Variants in ADAMTSL1 observed in about 807,000 individuals in gnomAD.
ADAMTSL1 encodes ADAMTS-like protein 1.
ADAMTSL1 carries 126 observed loss-of-function variants against 201.8 expected under a neutral mutation model. That is an observed-to-expected ratio of 0.62 (90% CI 0.54 to 0.72). The LOEUF is 0.72. Among genes scored for constraint, ADAMTSL1 ranks in the 30% least tolerant of loss-of-function variants. The pLI, the probability that ADAMTSL1 is intolerant of heterozygous loss-of-function variation, is 0.00. For synonymous variants in ADAMTSL1, 1,121 were observed against 903.4 expected (o/e 1.24, Z -4.32); for missense variants, 2,679 against 2,277.8 (o/e 1.18, Z -3.59).
chr9:18,164,168 C>G (rs1175205316), intron 2 of ADAMTSL1, among the ~76,000 whole-genome samples: 1 of 151,828 alleles, frequency 6.6e-6, no homozygotes, highest in Non-Finnish European at 1.5e-5. Flanking sequence ...CTGACTTTTC[C>G]TGGGTCTGGC....
intron 19 of ADAMTSL1, among the ~76,000 whole-genome samples, chr9:18,784,981 T>C (rs1821618505): frequency 6.6e-6 from 1 of 152,170 alleles, no homozygotes; most frequent in African/African-American, 2.4e-5. Flanking sequence ...CTGGCCTACA[T>C]TGTGAAACCC....
chr9:18,603,234 A>G (rs957387092), intron 4 of ADAMTSL1, among the ~76,000 whole-genome samples: 2 of 152,158 alleles, frequency 1.3e-5, no homozygotes, highest in Admixed American at 6.5e-5. Context: ...ACCATTTTAC[A>G]GGTGAAGAAA....
intron 23 of ADAMTSL1, among the ~76,000 whole-genome samples, chr9:18,855,221 C>T (rs553244952): frequency 4.5e-4 from 68 of 152,294 alleles, no homozygotes; most frequent in Non-Finnish European, 7.9e-4. Flanking sequence ...AGAATCACAT[C>T]TTGGCACGAA....
At chr9:18,601,597 G>A (rs901131578) in intron 4 of ADAMTSL1, among the ~76,000 whole-genome samples, 2 of 152,172 alleles carry the variant, frequency 1.3e-5, no homozygotes, top group African/African-American at 2.4e-5. Flanking sequence ...GATGCTATAA[G>A]TGACCATGGG....
At chr9:18,292,507 T>C (rs1290202572) in intron 2 of ADAMTSL1, among the ~76,000 whole-genome samples, 1 of 151,828 alleles carries the variant, frequency 6.6e-6, no homozygotes, top group Non-Finnish European at 1.5e-5. Context: ...CCAAAGGAGG[T>C]TAACATTTGA....
rs577774311 is a variant in ADAMTSL1 at position 18,270,939 on chromosome 9, A to G, written c.207+106958A>G. Among the ~76,000 whole-genome samples, 4 of 152,308 alleles carry G rather than the reference A, an allele frequency of 2.6e-5. No homozygotes were observed. The South Asian group carries it at 8.3e-4, about 32-fold the overall frequency. On this transcript the variant is annotated intron_variant, in intron 2 of 29. Transcript: ENST00000680146. ...GAAGAAAGAAGACTCTAGGACCCTA[A>G]GAAGGGAGTAGGACCACAAGATGGA... is the stretch of plus-strand genomic sequence containing the variant.
At chr9:18,872,787 T>C (rs1033735502) in intron 23 of ADAMTSL1, among the ~76,000 whole-genome samples, 10 of 152,232 alleles carry the variant, frequency 6.6e-5, no homozygotes, top group African/African-American at 2.4e-4. Flanking sequence ...CAAATTCTGC[T>C]GCTATAAACA....
At chr9:18,668,915 T>C (rs1156394481) in intron 9 of ADAMTSL1, among the ~76,000 whole-genome samples, 1 of 152,206 alleles carries the variant, frequency 6.6e-6, no homozygotes, top group African/African-American at 2.4e-5. Flanking sequence ...AGAGGTTAAG[T>C]GTTAGGGCCA....
At chr9:18,436,011 A>T (rs2133429061) in intron 2 of ADAMTSL1, among the ~76,000 whole-genome samples, 1 of 152,294 alleles carries the variant, frequency 6.6e-6, no homozygotes, top group Middle Eastern at 3.4e-3. Flanking sequence ...TACTTTAAAG[A>T]GTAGGTAAAC....
chr9:17,939,215 C>A (rs1048226209), intron 1 of ADAMTSL1, among the ~76,000 whole-genome samples: 2 of 152,038 alleles, frequency 1.3e-5, no homozygotes, highest in African/African-American at 4.8e-5. Flanking sequence ...TTACTTGGTC[C>A]CTTACCTTTC....
intron 25 of ADAMTSL1, chr9:18,890,505 C>G (rs1006244391): frequency 3.1e-5 from 14 of 455,906 alleles, no homozygotes; most frequent in Non-Finnish European, 6.2e-5. Context: ...TACTACCTAT[C>G]TGTAGGACTT....
intron 1 of ADAMTSL1, among the ~76,000 whole-genome samples, chr9:18,010,959 G>A (rs1165767181): frequency 6.6e-6 from 1 of 151,852 alleles, no homozygotes; most frequent in East Asian, 1.9e-4. Flanking sequence ...ATGATTTTAT[G>A]AGTATTAAAT....
intron 23 of ADAMTSL1, among the ~76,000 whole-genome samples, chr9:18,835,296 G>A (rs953203265): frequency 2.6e-5 from 4 of 151,936 alleles, no homozygotes; most frequent in East Asian, 3.9e-4. Context: ...CAATTTTTTG[G>A]ACCTTTATTT....
intron 1 of ADAMTSL1, among the ~76,000 whole-genome samples, chr9:18,041,750 T>G (rs1273663033): frequency 6.6e-6 from 1 of 152,148 alleles, no homozygotes; most frequent in Non-Finnish European, 1.5e-5. Flanking sequence ...ATTTTCAAAA[T>G]TTATAAATAT....
intron 21 of ADAMTSL1, among the ~76,000 whole-genome samples, chr9:18,817,496 T>A (rs1042620273): frequency 6.6e-6 from 1 of 152,174 alleles, no homozygotes; most frequent in African/African-American, 2.4e-5. Flanking sequence ...TCCATACAGA[T>A]AGAATGTGAA....
chr9:18,590,725 A>C (rs1230325182), intron 4 of ADAMTSL1, among the ~76,000 whole-genome samples: 1 of 151,936 alleles, frequency 6.6e-6, no homozygotes, highest in African/African-American at 2.4e-5. Flanking sequence ...TTCCGTTTTC[A>C]TGTTTCTCAA....
At chr9:18,099,166 G>A (rs944410754) in intron 1 of ADAMTSL1, among the ~76,000 whole-genome samples, 12 of 148,710 alleles carry the variant, frequency 8.1e-5, no homozygotes, top group Admixed American at 6.7e-5. Context: ...GGAGATCCAC[G>A]TTGCTGGATG....
At chr9:18,880,691 T>C (rs530115691) in intron 23 of ADAMTSL1, among the ~76,000 whole-genome samples, 1 of 152,326 alleles carries the variant, frequency 6.6e-6, no homozygotes, top group Admixed American at 6.5e-5. Context: ...CCCAGGATTG[T>C]TGGAACTAGA....
intron 1 of ADAMTSL1, among the ~76,000 whole-genome samples, chr9:18,087,156 C>CATTGTAGT (rs1333132591): frequency 6.6e-6 from 1 of 152,118 alleles, no homozygotes; most frequent in Admixed American, 6.5e-5. Context: ...ATTTATCACA[C>CATTGTAGT]ATTGTAGTTA....
Sources: allele counts gnomAD v4.1 joint callset (sites outside exome capture counted in the v4.1 genomes callset), GRCh38; gene constraint gnomAD v4.1.1; transcripts MANE v1.5; gene names NCBI Gene and HGNC (gene_info 2026-07-23, HGNC 2026-07-21).